CDH12: variants seen among roughly 807,000 people sequenced by gnomAD.
The protein encoded by CDH12 is cadherin 12.
A neutral mutation model predicts 74.1 loss-of-function variants in CDH12; 41 were observed. That is an observed-to-expected ratio of 0.55 (90% CI 0.43 to 0.72). The LOEUF is 0.72. CDH12 is among the 30% of genes least tolerant of loss of function. CDH12 has a pLI of 0.00. For synonymous variants in CDH12, 399 were observed against 355.0 expected (o/e 1.12, Z -1.39); for missense variants, 945 against 977.2 (o/e 0.97, Z 0.44).
chr5:22,366,118 C>T (rs1171804761), intron 3 of CDH12, among the ~76,000 whole-genome samples: 1 of 151,944 alleles, frequency 6.6e-6, no homozygotes, highest in Admixed American at 6.6e-5. Flanking sequence ...GCCACCATGC[C>T]CAGCTAATTT....
At chr5:22,461,533 C>T (rs1580673683) in intron 2 of CDH12, among the ~76,000 whole-genome samples, 1 of 148,728 alleles carries the variant, frequency 6.7e-6, no homozygotes, top group South Asian at 2.1e-4. Context: ...TATCTAAGGG[C>T]TAAAAAAATA....
intron 3 of CDH12, among the ~76,000 whole-genome samples, chr5:22,357,060 T>C (rs1249820351): frequency 6.6e-6 from 1 of 152,088 alleles, no homozygotes; most frequent in East Asian, 1.9e-4. Context: ...TCTATCTAGC[T>C]AGATAGAGAG....
chr5:21,975,435 A>T, intron 5 of CDH12, 50 bp from the exon 6 acceptor site: 3 of 1,336,506 alleles, frequency 2.2e-6, no homozygotes, highest in Non-Finnish European at 3.0e-6. Flanking sequence ...AAGGACAAAG[A>T]AAGAACACCA....
intron 1 of CDH12, among the ~76,000 whole-genome samples, chr5:22,801,324 C>G (rs977588546): frequency 6.6e-6 from 1 of 151,930 alleles, no homozygotes; most frequent in African/African-American, 2.4e-5. Context: ...CTCTGCAAGC[C>G]AAAGGTGTTA....
At chr5:21,974,502 G>A (rs1287164150) in intron 6 of CDH12, among the ~76,000 whole-genome samples, 2 of 151,824 alleles carry the variant, frequency 1.3e-5, no homozygotes, top group Non-Finnish European at 2.9e-5. Context: ...TTTGATAATT[G>A]TAATTGTAAT....
intron 4 of CDH12, among the ~76,000 whole-genome samples, chr5:22,176,878 A>T (rs1207304592): frequency 6.6e-6 from 1 of 151,824 alleles, no homozygotes; most frequent in Non-Finnish European, 1.5e-5. Flanking sequence ...CTGCAGCCCC[A>T]TTTGCCTGCA....
At chr5:22,801,683 A>G (rs1439547355) in intron 1 of CDH12, among the ~76,000 whole-genome samples, 2 of 74,638 alleles carry the variant, frequency 2.7e-5, no homozygotes, top group Non-Finnish European at 4.6e-5. Flanking sequence ...ATATATATAT[A>G]TACACTTTGT....
chr5:22,376,830 A>G (rs2126366441), intron 3 of CDH12, among the ~76,000 whole-genome samples: 1 of 151,858 alleles, frequency 6.6e-6, no homozygotes, highest in East Asian at 1.9e-4. Flanking sequence ...GTCACATTCT[A>G]TTATTGTAAC....
At chr5:22,831,246 C>A (rs140498083) in intron 1 of CDH12, among the ~76,000 whole-genome samples, 4 of 151,654 alleles carry the variant, frequency 2.6e-5, no homozygotes, top group Non-Finnish European at 4.4e-5. Context: ...TCTAAGAAAA[C>A]GATTGAGTAG....
At chr5:22,529,163 G>GTA (rs1316928007) in intron 1 of CDH12, among the ~76,000 whole-genome samples, 2 of 69,160 alleles carry the variant, frequency 2.9e-5, no homozygotes, top group African/African-American at 5.2e-5. Context: ...ATATACACAT[G>GTA]TGTATATATA....
chr5:22,509,475 A>C (rs1164075455), intron 1 of CDH12, among the ~76,000 whole-genome samples: 1 of 152,214 alleles, frequency 6.6e-6, no homozygotes, highest in African/African-American at 2.4e-5. Context: ...TGACAGGAAG[A>C]AAAAATAAAT....
intron 5 of CDH12, among the ~76,000 whole-genome samples, chr5:21,996,119 T>C (rs1037060749): frequency 1.2e-5 from 1 of 83,772 alleles, no homozygotes; most frequent in Middle Eastern, 5.2e-3. Context: ...TTTTTTTTTT[T>C]TTTTTTTTTT....
intron 1 of CDH12, among the ~76,000 whole-genome samples, chr5:22,718,883 A>T (rs375755626): frequency 6.6e-6 from 1 of 152,174 alleles, no homozygotes; most frequent in African/African-American, 2.4e-5. Context: ...AATGACTGGA[A>T]GCTCTGCATG....
intron 3 of CDH12, among the ~76,000 whole-genome samples, chr5:22,314,908 TA>T (rs1006309196): frequency 2.1e-5 from 3 of 141,810 alleles, no homozygotes; most frequent in African/African-American, 7.8e-5. Context: ...CTCAAGTGGA[TA>T]AAAGCAGAAA....
chr5:22,284,996 G>C, intron 3 of CDH12, among the ~76,000 whole-genome samples: 1 of 146,258 alleles, frequency 6.8e-6, no homozygotes, highest in Non-Finnish European at 1.5e-5. Context: ...TGTGTGTAAA[G>C]AATATAAAAT....
chr5:22,108,314 T>C (rs1040314098), intron 4 of CDH12, among the ~76,000 whole-genome samples: 2 of 152,246 alleles, frequency 1.3e-5, no homozygotes, highest in East Asian at 3.8e-4. Flanking sequence ...TCCCCAGCTA[T>C]GTGGAACTGT....
At chr5:21,997,150 G>A (rs1054022923) in intron 5 of CDH12, among the ~76,000 whole-genome samples, 1 of 152,078 alleles carries the variant, frequency 6.6e-6, no homozygotes, top group Admixed American at 6.6e-5. Flanking sequence ...TAAAGTATTT[G>A]TCCAGCATAT....
intron 1 of CDH12, among the ~76,000 whole-genome samples, chr5:22,773,166 A>G (rs775314062): frequency 6.6e-6 from 1 of 152,114 alleles, no homozygotes; most frequent in African/African-American, 2.4e-5. Flanking sequence ...TAAAATTCCT[A>G]TAGAATCAAA....
intron 5 of CDH12, among the ~76,000 whole-genome samples, chr5:22,030,120 G>T (rs540452555): frequency 6.6e-6 from 1 of 150,752 alleles, no homozygotes; most frequent in Non-Finnish European, 1.5e-5. Flanking sequence ...TTGTGGGGTG[G>T]GGGGGAGGGG....
Sources: allele counts gnomAD v4.1 joint callset (sites outside exome capture counted in the v4.1 genomes callset), GRCh38; gene constraint gnomAD v4.1.1; transcripts MANE v1.5; gene names NCBI Gene and HGNC (gene_info 2026-07-23, HGNC 2026-07-21).